The following CADM2 variants were observed in gnomAD, a reference collection of about 807,000 sequenced individuals.
CADM2 encodes the protein cell adhesion molecule 2, also known as immunoglobulin superfamily member 4D.
Under a neutral mutation model 49.8 loss-of-function variants are expected in CADM2, and 12 were observed. The ratio of observed to expected loss-of-function variants is 0.24; its 90% CI spans 0.15 to 0.39. CADM2 has a LOEUF of 0.39. CADM2 is among the 10% of genes least tolerant of loss of function. The pLI is 1.00. For missense variants in CADM2, 378 were observed against 492.3 expected (o/e 0.77, Z 2.20); for synonymous variants, 214 against 175.4 (o/e 1.22, Z -1.74).
chr3:85,587,330 T>G (rs2107323531), intron 1 of CADM2, among the ~76,000 whole-genome samples: 1 of 152,210 alleles, frequency 6.6e-6, no homozygotes, highest in South Asian at 2.1e-4. Flanking sequence ...AGAAAAATCT[T>G]ATTTGTTCCA....
chr3:85,190,500 G>T (rs1000453989), intron 1 of CADM2, among the ~76,000 whole-genome samples: 1 of 151,992 alleles, frequency 6.6e-6, no homozygotes, highest in Non-Finnish European at 1.5e-5. Context: ...AAACTCTATG[G>T]CTGTGTTGTG....
chr3:85,929,830 T>C (rs1394334453), intron 6 of CADM2, among the ~76,000 whole-genome samples: 1 of 152,042 alleles, frequency 6.6e-6, no homozygotes, highest in Non-Finnish European at 1.5e-5. Context: ...TATTGATATC[T>C]TACTAAAATG....
chr3:85,024,196 A>C (rs2034625870), intron 1 of CADM2, among the ~76,000 whole-genome samples: 1 of 152,142 alleles, frequency 6.6e-6, no homozygotes, highest in Admixed American at 6.5e-5. Context: ...CAGCCATCAA[A>C]GGAAAAATGT....
intron 1 of CADM2, among the ~76,000 whole-genome samples, chr3:85,346,934 T>C (rs900571984): frequency 6.6e-6 from 1 of 152,092 alleles, no homozygotes; most frequent in African/African-American, 2.4e-5. Context: ...ATGTATTTAG[T>C]ATATAAACTA....
Position 86,074,345 on chromosome 3 carries a change from T to C in CADM2, c.*7562T>C, listed in dbSNP as rs534997442. On this transcript the variant is annotated 3_prime_UTR_variant, in exon 10 of 10. Transcript: ENST00000383699. ...TTGTTACACAGGGTAAGCCAAAGGCTGTACAAGATTTAGTGTCATTGGGTC... is the reference window on the plus strand; with the variant it reads ...TTGTTACACAGGGTAAGCCAAAGGCCGTACAAGATTTAGTGTCATTGGGTC... 1.3e-5 allele frequency: 2 copies of C among 152,156 alleles called. No homozygotes were observed. The highest frequency in any genetic ancestry group is 2.4e-5 in the African/African-American group (1 of 41,588). 9.4% of individuals were successfully genotyped at this position (152,156 alleles called of 1,614,324 possible).
chr3:85,071,382 C>CT (rs947754964), intron 1 of CADM2, among the ~76,000 whole-genome samples: 38 of 151,612 alleles, frequency 2.5e-4, no homozygotes, highest in African/African-American at 5.8e-4. Context: ...ATTCTTTTTT[C>CT]TTTTTTTTGC....
chr3:85,624,420 C>T (rs1000178719), intron 1 of CADM2, among the ~76,000 whole-genome samples: 8 of 152,068 alleles, frequency 5.3e-5, no homozygotes, highest in Admixed American at 4.6e-4. Context: ...GCAACCTCCA[C>T]CTCCCAGGTT....
intron 1 of CADM2, among the ~76,000 whole-genome samples, chr3:85,130,512 T>C (rs2039191866): frequency 2.0e-5 from 3 of 152,190 alleles, no homozygotes; most frequent in Non-Finnish European, 2.9e-5. Context: ...GTAAATATAT[T>C]CAATCTAATA....
At chr3:85,591,020 T>A (rs1458733950) in intron 1 of CADM2, among the ~76,000 whole-genome samples, 2 of 151,912 alleles carry the variant, frequency 1.3e-5, no homozygotes, top group Non-Finnish European at 2.9e-5. Context: ...GCAGTATCTT[T>A]TGTGAGGAAA....
At chr3:85,215,886 G>T (rs567910299) in intron 1 of CADM2, among the ~76,000 whole-genome samples, 1 of 151,996 alleles carries the variant, frequency 6.6e-6, no homozygotes, top group Non-Finnish European at 1.5e-5. Context: ...CCATCACTGT[G>T]TTCTCCCTCC....
At chr3:85,432,276 T>A (rs1359447833) in intron 1 of CADM2, among the ~76,000 whole-genome samples, 1 of 151,784 alleles carries the variant, frequency 6.6e-6, no homozygotes, top group East Asian at 2.0e-4. Context: ...AGTGGGATGC[T>A]AACATCTTCA....
At position 85,829,820 on chromosome 3, in the gene CADM2, A is replaced by C. The variant is rs971148294; in HGVS notation, c.238+27624A>C. 5.3e-5 allele frequency among the ~76,000 whole-genome samples: 8 copies of C among 152,078 alleles called. No individual in the cohort carries two copies. In the South Asian group the frequency reaches 6.2e-4, roughly 12 times the overall value. On this transcript the variant is annotated intron_variant, in intron 3 of 9. Coordinates refer to ENST00000383699, the MANE Select transcript of CADM2 (RefSeq NM_001167675.2). ...ACTTAGCGTAATGTTCTCCAGGTTC[A>C]CTCATGTTGTCCCAAATGGCAAAAT...
chr3:85,007,048 C>A lies in CADM2; in HGVS notation c.61+47380C>A, dbSNP rs554785518. ...TATATTTACAGTGTATTTAGAGCAA[C>A]CTATATATTAAAGTTATTGAAATTA... On this transcript the variant is annotated intron_variant, in intron 1 of 9. Coordinates refer to ENST00000383699, the MANE Select transcript of CADM2 (RefSeq NM_001167675.2). 1.8e-4 allele frequency among the ~76,000 whole-genome samples: 28 copies of A among 152,006 alleles called. 1 individual carries two copies. In the South Asian group the frequency reaches 5.4e-3, roughly 29 times the overall value.
At chr3:85,392,876 C>T (rs1230158165) in intron 1 of CADM2, among the ~76,000 whole-genome samples, 1 of 151,942 alleles carries the variant, frequency 6.6e-6, no homozygotes, top group Non-Finnish European at 1.5e-5. Context: ...CACATGGAGG[C>T]CTTCATATTT....
intron 2 of CADM2, among the ~76,000 whole-genome samples, chr3:85,777,706 G>T (rs771363530): frequency 6.6e-6 from 1 of 152,016 alleles, no homozygotes; most frequent in Non-Finnish European, 1.5e-5. Flanking sequence ...TTCCACACTG[G>T]CATTATTTAA....
At chr3:85,626,137 A>G (rs1294408972) in intron 1 of CADM2, among the ~76,000 whole-genome samples, 2 of 152,044 alleles carry the variant, frequency 1.3e-5, no homozygotes, top group Non-Finnish European at 2.9e-5. Context: ...CTGAATAATG[A>G]AGTATTATTT....
intron 1 of CADM2, among the ~76,000 whole-genome samples, chr3:85,297,499 T>G (rs578041227): frequency 6.6e-6 from 1 of 152,148 alleles, no homozygotes; most frequent in Admixed American, 6.5e-5. Context: ...ACAGTGCCTG[T>G]AATAAGATAG....
chr3:85,572,066 G>A (rs1374114572), intron 1 of CADM2, among the ~76,000 whole-genome samples: 1 of 152,098 alleles, frequency 6.6e-6, no homozygotes, highest in South Asian at 2.1e-4. Context: ...GGAGGCCGAG[G>A]CCGGTGGATC....
At chr3:85,000,096 A>G (rs998302403) in intron 1 of CADM2, among the ~76,000 whole-genome samples, 1 of 149,536 alleles carries the variant, frequency 6.7e-6, no homozygotes, top group African/African-American at 2.5e-5. Flanking sequence ...TTAATATAAC[A>G]TATAGGTTGC....
Sources: allele counts gnomAD v4.1 joint callset (sites outside exome capture counted in the v4.1 genomes callset), GRCh38; gene constraint gnomAD v4.1.1; transcripts MANE v1.5; gene names NCBI Gene and HGNC (gene_info 2026-07-23, HGNC 2026-07-21).